The following HAT1 variants were observed in gnomAD, a reference collection of about 807,000 sequenced individuals.
HAT1 encodes histone acetyltransferase type B catalytic subunit.
HAT1 carries 20 observed loss-of-function variants against 56.6 expected under a neutral mutation model. The ratio of observed to expected loss-of-function variants is 0.35; its 90% confidence interval spans 0.25 to 0.51. HAT1 has a LOEUF of 0.51. Among genes scored for constraint, HAT1 ranks in the 20% least tolerant of loss-of-function variants. The probability of loss-of-function intolerance (pLI) is 0.95; values close to 1 mark genes in which losing one functional copy is unlikely to be tolerated. For synonymous variants in HAT1, 146 were observed against 165.5 expected (o/e 0.88, Z 0.91); for missense variants, 408 against 504.3 (o/e 0.81, Z 1.83).
At chr2:171,955,061 G>A (rs946939441) in intron 4 of HAT1, among the ~76,000 whole-genome samples, 1 of 152,298 alleles carries the variant, frequency 6.6e-6, no homozygotes, top group Middle Eastern at 3.4e-3. Context: ...ACAGCCCAGT[G>A]ATACTGATTT....
chr2:171,979,681 GC>G (rs1194801646), intron 10 of HAT1: 1 of 200,460 alleles, frequency 5.0e-6, no homozygotes, highest in Non-Finnish European at 1.0e-5. Context: ...GGTGGTGGGC[GC>G]CTGTAATACA....
chr2:171,963,733 T>G lies in HAT1; in HGVS notation c.310-1605T>G, dbSNP rs529925979. On this transcript the variant is annotated intron_variant, in intron 4 of 10. Coordinates refer to ENST00000264108, the MANE Select transcript of HAT1 (RefSeq NM_003642.4). ...ACAGCTATCCCTCATTATGACAGTT[T>G]CCTTGATAGCTGTTGAAATTGTACT... Among the ~76,000 whole-genome samples the G allele has an allele frequency of 8.3e-4, 126 of 152,204 alleles. 1 individual carries two copies. The highest frequency in any genetic ancestry group is 1.6e-3 in the Non-Finnish European group (110 of 68,016).
intron 10 of HAT1, among the ~76,000 whole-genome samples, chr2:171,982,234 C>A (rs1264206615): frequency 6.6e-6 from 1 of 152,158 alleles, no homozygotes; most frequent in African/African-American, 2.4e-5. Flanking sequence ...TGTGGTGGCT[C>A]ATGGCTGTAA....
At chr2:171,967,904 C>CAAAA (rs1687721893) in intron 8 of HAT1, among the ~76,000 whole-genome samples, 1 of 145,514 alleles carries the variant, frequency 6.9e-6, no homozygotes. Context: ...CCCACCCCCA[C>CAAAA]CAAAAAAAAA....
At chr2:171,924,464 A>G (rs1686529097) in intron 1 of HAT1, 1 of 152,166 alleles carries the variant, frequency 6.6e-6, no homozygotes, top group Admixed American at 6.5e-5. Flanking sequence ...AAGTGCTGAA[A>G]TTACAGGCGT....
intron 1 of HAT1, 152 bp downstream of exon 1, chr2:171,922,659 C>A: frequency 5.5e-6 from 3 of 545,364 alleles, no homozygotes; most frequent in East Asian, 3.3e-5. Context: ...GAACTCTCAG[C>A]CCAGCAGCTC....
At chr2:171,938,023 A>ATTCTCTCT (rs1686913311) in intron 2 of HAT1, among the ~76,000 whole-genome samples, 1 of 55,466 alleles carries the variant, frequency 1.8e-5, no homozygotes, top group African/African-American at 6.9e-5. Flanking sequence ...CTGTCTACTG[A>ATTCTCTCT]TTCTCTCTCT....
At chr2:171,922,543 G>A (rs377166182) in intron 1 of HAT1, 36 bp downstream of exon 1, 1 of 1,313,542 alleles carries the variant, frequency 7.6e-7, no homozygotes, top group South Asian at 3.0e-5. Context: ...AGGGGAGGAG[G>A]CGGCCAGATC....
chr2:171,952,221 G>A (rs372872081), intron 3 of HAT1, among the ~76,000 whole-genome samples: 7 of 152,158 alleles, frequency 4.6e-5, no homozygotes, highest in African/African-American at 1.7e-4. Context: ...CTAGTCTTAG[G>A]CAGTCACTAA....
intron 8 of HAT1, among the ~76,000 whole-genome samples, chr2:171,975,593 A>C (rs1274688116): frequency 1.3e-5 from 2 of 152,048 alleles, no homozygotes; most frequent in African/African-American, 4.8e-5. Context: ...TCATTTTGGT[A>C]ATTTCTTTCT....
At position 171,936,227 on chromosome 2, in the gene HAT1, A is replaced by G. The variant is rs145665278; in HGVS notation, c.113-10481A>G. On this transcript the variant is annotated intron_variant, in intron 2 of 10. Transcript: ENST00000264108. ...GGGAGAGAGGTGGAGCATGAACTTT[A>G]AAGTGGTTTATTCTTAGTGTGTGGG... 2.5e-3 allele frequency among the ~76,000 whole-genome samples: 383 copies of G among 152,332 alleles called. 2 individuals are homozygous for G. The highest frequency in any genetic ancestry group is 8.3e-3 in the African/African-American group (346 of 41,580).
chr2:171,923,948 A>G (rs890528817), intron 1 of HAT1: 1 of 152,154 alleles, frequency 6.6e-6, no homozygotes, highest in Non-Finnish European at 1.5e-5. Context: ...ACATTCCTCG[A>G]AGTAAATTCT....
rs1688183822 is a variant in HAT1, at chr2:171,983,411, A to G, written c.*59A>G. On this transcript the variant is annotated 3_prime_UTR_variant, in exon 11 of 11. Coordinates refer to ENST00000264108, the MANE Select transcript of HAT1 (RefSeq NM_003642.4). ...TTTTCTGTACAATGTGCTGTGAAAA[A>G]TCTGATGACTTTAATTTTAAAATCT... 1.2e-6 allele frequency: 1 copy of G among 829,280 alleles called. No homozygotes were observed. Among genetic ancestry groups the G allele is most frequent in the African/African-American group, 1.7e-5 (1 of 57,518 alleles). 51.4% of individuals were successfully genotyped at this position (829,280 alleles called of 1,614,324 possible). A position where few individuals can be genotyped will look rare whatever the true frequency, so the allele number is the denominator to read the frequency against.
Position 171,938,066 on chromosome 2 carries a change from CTCTCTCTCTT to C in HAT1, c.113-8640_113-8631del, listed in dbSNP as rs1164972007. 2.2e-4 allele frequency among the ~76,000 whole-genome samples: 29 copies of C among 130,106 alleles called. 1 individual carries two copies. The highest frequency in any genetic ancestry group is 6.5e-4 in the African/African-American group (24 of 36,720). The allele number at this position is 130,106 out of a possible 152,430, so 85.4% of individuals were successfully genotyped here. Reference sequence around the variant, plus strand: ...TCTCTCTCTCTCTCTCTCTCTCTCTCTCTCTCTCTTTAAATGAACTGTAAGAGTAGAAACA... The same window carrying C: ...TCTCTCTCTCTCTCTCTCTCTCTCTCTAAATGAACTGTAAGAGTAGAAACA... On this transcript the variant is annotated intron_variant, in intron 2 of 10. Coordinates refer to ENST00000264108, the MANE Select transcript of HAT1 (RefSeq NM_003642.4).
Position 171,979,258 on chromosome 2 carries a change from A to G in HAT1, c.987A>G (p.Arg329=). The G allele has an allele frequency of 1.3e-6, 2 of 1,543,390 alleles. No homozygotes were observed. The highest frequency in any genetic ancestry group is 1.8e-6 in the Non-Finnish European group (2 of 1,129,650). The stretch of plus-strand genomic sequence containing the variant: ...TTGTTTCATTCTAGCAACACGCTAG[A>G]AGGGTTTATGAAATTCTTCGACTAC... ...QKFKINKQHA[R]RVYEILRLLV... Residue 329 remains arginine, a synonymous_variant, in exon 10 of 11, where the codon AGA becomes AGG. Transcript: ENST00000264108.
chr2:171,932,249 G>A (rs534125355), intron 2 of HAT1, among the ~76,000 whole-genome samples: 3 of 152,018 alleles, frequency 2.0e-5, no homozygotes, highest in South Asian at 4.1e-4. Context: ...TTTTTCATAC[G>A]TCTTTGCTTG....
intron 3 of HAT1, 116 bp downstream of exon 3, chr2:171,946,899 C>T: frequency 3.4e-6 from 2 of 594,212 alleles, no homozygotes; most frequent in Non-Finnish European, 5.9e-6. Context: ...TGTGGTTTAT[C>T]TTAAAATATA....
intron 8 of HAT1, among the ~76,000 whole-genome samples, chr2:171,970,965 C>T (rs891876930): frequency 1.3e-5 from 2 of 151,908 alleles, no homozygotes; most frequent in African/African-American, 4.8e-5. Context: ...CTTTGGGAGG[C>T]CGAGGCGGGC....
chr2:171,953,121 G>A, intron 4 of HAT1, 120 bp downstream of exon 4: 1 of 510,916 alleles, frequency 2.0e-6, no homozygotes, highest in Non-Finnish European at 3.3e-6. Context: ...AAGGGGGGCA[G>A]ATCTTTTGAT....
Sources: allele counts gnomAD v4.1 joint callset (sites outside exome capture counted in the v4.1 genomes callset), GRCh38; gene constraint gnomAD v4.1.1; transcripts MANE v1.5; gene names NCBI Gene and HGNC (gene_info 2026-07-23, HGNC 2026-07-21).